KIAA1217: variants seen among roughly 807,000 people sequenced by gnomAD.
KIAA1217 encodes sickle tail protein homolog.
In KIAA1217, 88 loss-of-function variants were observed where a neutral mutation model predicts 163.9. The ratio of observed to expected loss-of-function variants is 0.54; its 90% CI spans 0.45 to 0.64. The LOEUF is 0.64. KIAA1217 is among the 30% of genes least tolerant of loss of function. The pLI is 0.00. For missense variants in KIAA1217, 2,372 were observed against 2,475.0 expected, an observed-to-expected ratio of 0.96 and a Z score of 0.88; for synonymous variants, 903 against 923.1, an observed-to-expected ratio of 0.98 and a Z score of 0.39.
At chr10:24,247,493 C>T (rs771552471) in intron 2 of KIAA1217, among the ~76,000 whole-genome samples, 1 of 152,180 alleles carries the variant, frequency 6.6e-6, no homozygotes, top group South Asian at 2.1e-4. Context: ...TTTCTGTGTA[C>T]TTGTCTACAC....
intron 3 of KIAA1217, among the ~76,000 whole-genome samples, chr10:24,396,332 GTC>G (rs2055745752): frequency 6.6e-6 from 1 of 151,654 alleles, no homozygotes; most frequent in South Asian, 2.1e-4. Context: ...GTGAGACTCT[GTC>G]TCAAAAAAAA....
intron 2 of KIAA1217, among the ~76,000 whole-genome samples, chr10:24,096,073 A>G (rs140304291): frequency 1.2e-3 from 179 of 152,306 alleles, no homozygotes; most frequent in African/African-American, 4.2e-3. Flanking sequence ...GCACCACTGT[A>G]TTCCATCCTG....
At chr10:24,387,327 A>C (rs541568522) in intron 3 of KIAA1217, among the ~76,000 whole-genome samples, 20 of 152,364 alleles carry the variant, frequency 1.3e-4, no homozygotes, top group African/African-American at 4.8e-4. Flanking sequence ...CAATAGATGC[A>C]GAAAAGGCCT....
chr10:24,537,034 T>TA (rs2074123056), intron 17 of KIAA1217, 141 bp downstream of exon 17: 2 of 979,148 alleles, frequency 2.0e-6, no homozygotes, highest in Non-Finnish European at 3.0e-6. Context: ...GACACAGGCA[T>TA]AGGTTAAAAT....
Position 24,430,683 on chromosome 10 carries a change from G to A in KIAA1217, c.554-2312G>A, listed in dbSNP as rs61848140. On this transcript the variant is annotated intron_variant, in intron 3 of 20. Coordinates refer to ENST00000376454, the MANE Select transcript of KIAA1217 (RefSeq NM_019590.5). The stretch of plus-strand genomic sequence containing the variant: ...ATCAGGCATGGGATTCTCTTAAGGC[G>A]CATGCAACCTAGATCCCTCACCATG... 5.4e-3 allele frequency among the ~76,000 whole-genome samples: 829 copies of A among 152,284 alleles called. 5 individuals carry two copies. Among genetic ancestry groups the A allele is most frequent in the Non-Finnish European group, 8.4e-3 (571 of 68,018 alleles).
intron 2 of KIAA1217, among the ~76,000 whole-genome samples, chr10:24,272,033 G>C (rs1415856561): frequency 6.6e-6 from 1 of 152,114 alleles, no homozygotes; most frequent in Non-Finnish European, 1.5e-5. Flanking sequence ...TAGGAAATTG[G>C]GTGGGAAGGG....
chr10:24,332,355 C>T (rs879686246), intron 2 of KIAA1217, among the ~76,000 whole-genome samples: 49 of 152,094 alleles, frequency 3.2e-4, no homozygotes, highest in African/African-American at 6.8e-4. Context: ...AGAAAAGGTG[C>T]GAGATGTCAT....
chr10:23,936,273 A>T (rs1220702572), intron 1 of KIAA1217, among the ~76,000 whole-genome samples: 1 of 152,122 alleles, frequency 6.6e-6, no homozygotes, highest in Non-Finnish European at 1.5e-5. Context: ...GCCTCCAGGG[A>T]CTGAGAGAAT....
intron 1 of KIAA1217, among the ~76,000 whole-genome samples, chr10:24,006,836 G>T (rs770262746): frequency 6.6e-6 from 1 of 152,092 alleles, no homozygotes; most frequent in Non-Finnish European, 1.5e-5. Context: ...CTTAATAAAG[G>T]GATTAGAGAT....
At chr10:24,124,012 A>G (rs1348996444) in intron 2 of KIAA1217, among the ~76,000 whole-genome samples, 2 of 152,156 alleles carry the variant, frequency 1.3e-5, no homozygotes, top group African/African-American at 4.8e-5. Context: ...TCCTTACTTT[A>G]TTTAGGCTAT....
chr10:24,258,711 C>G (rs1408835056), intron 2 of KIAA1217, among the ~76,000 whole-genome samples: 1 of 151,964 alleles, frequency 6.6e-6, no homozygotes, highest in Non-Finnish European at 1.5e-5. Context: ...TCCTGCCTCA[C>G]CCTCTCAAGT....
intron 1 of KIAA1217, among the ~76,000 whole-genome samples, chr10:23,752,286 G>T (rs1477959401): frequency 6.6e-6 from 1 of 152,070 alleles, no homozygotes; most frequent in East Asian, 1.9e-4. Context: ...TATTAATTTT[G>T]TCTCTTTTTG....
intron 13 of KIAA1217, among the ~76,000 whole-genome samples, chr10:24,527,491 T>C (rs2072377148): frequency 7.3e-6 from 1 of 137,700 alleles, no homozygotes; most frequent in South Asian, 2.3e-4. Flanking sequence ...ACAGAACCCA[T>C]TGCTACTTAA....
intron 1 of KIAA1217, among the ~76,000 whole-genome samples, chr10:23,843,755 A>G (rs1301650417): frequency 2.0e-5 from 3 of 152,154 alleles, no homozygotes; most frequent in South Asian, 2.1e-4. Context: ...GCGAAAACCT[A>G]TGTAAGTTTC....
intron 2 of KIAA1217, among the ~76,000 whole-genome samples, chr10:24,252,517 C>T (rs1011282442): frequency 8.5e-5 from 13 of 152,070 alleles, no homozygotes; most frequent in African/African-American, 2.9e-4. Flanking sequence ...AAGGTTGAGC[C>T]TGAAATGAGC....
At chr10:23,758,233 C>T (rs1259741969) in intron 1 of KIAA1217, among the ~76,000 whole-genome samples, 4 of 152,076 alleles carry the variant, frequency 2.6e-5, no homozygotes, top group African/African-American at 9.7e-5. Flanking sequence ...AATTTTTGTA[C>T]ATAGTGTTAG....
intron 1 of KIAA1217, among the ~76,000 whole-genome samples, chr10:23,790,862 A>G (rs750021434): frequency 1.2e-4 from 18 of 151,548 alleles, no homozygotes; most frequent in Admixed American, 2.0e-4. Flanking sequence ...GCACCCCCCA[A>G]TAGCTGGGAC....
At chr10:24,545,431 G>T in intron 20 of KIAA1217, 1 of 1,294,918 alleles carries the variant, frequency 7.7e-7, no homozygotes, top group Non-Finnish European at 9.8e-7. Flanking sequence ...CCAACCTGTG[G>T]TTGAACTGCC....
chr10:23,857,067 T>G (rs1839721131), intron 1 of KIAA1217, among the ~76,000 whole-genome samples: 2 of 152,218 alleles, frequency 1.3e-5, no homozygotes, highest in Non-Finnish European at 2.9e-5. Flanking sequence ...ACCCGGTACC[T>G]CAGATGGAAA....
Sources: gnomAD v4.1 joint callset for allele counts (sites outside exome capture counted in the v4.1 genomes callset) on GRCh38, gnomAD v4.1.1 for gene constraint, MANE v1.5 for transcripts, NCBI Gene and HGNC (gene_info 2026-07-23, HGNC 2026-07-21) for gene names.